Variants in SLC35F5 observed in about 807,000 individuals in gnomAD.
The protein encoded by SLC35F5 is solute carrier family 35 member F5.
SLC35F5 carries 54 observed loss-of-function variants against 68.6 expected under a neutral mutation model. That is an observed-to-expected ratio of 0.79 (90% CI 0.63 to 0.99). The LOEUF (loss-of-function observed/expected upper bound fraction) is 0.99. Among genes scored for constraint, SLC35F5 ranks in the 50% least tolerant of loss-of-function variants. SLC35F5 has a pLI of 0.00. For missense variants in SLC35F5, 567 were observed against 626.9 expected (o/e 0.90, Z 1.02); for synonymous variants, 211 against 205.2 (o/e 1.03, Z -0.24).
rs936796818 is a variant in SLC35F5 at position 113,710,520 on chromosome 2, A to T, written c.*4698T>A. 6.6e-6 allele frequency among the ~76,000 whole-genome samples: 1 copy of T among 152,188 alleles called. No individual in the cohort carries two copies. Among genetic ancestry groups the T allele is most frequent in the African/African-American group, 2.4e-5 (1 of 41,454 alleles). On this transcript the variant is annotated 3_prime_UTR_variant, in exon 16 of 16. Transcript: ENST00000245680. ...CAGGGCGGGCAGATTACTTGAGCTC[A>T]GGAGTTCAAGAGCAGCCTGGCCAAC... is the stretch of plus-strand genomic sequence containing the variant.
In SLC35F5 at chr2:113,744,410, C is replaced by T. The variant is rs572329149; in HGVS notation, c.481-616G>A. ...TCTTACTGTGTATTGAGTACCAACT[C>T]TAGAGCAGTTAAACATATATTTCTC... is the stretch of plus-strand genomic sequence containing the variant. On this transcript the variant is annotated intron_variant, in intron 5 of 15. Coordinates refer to ENST00000245680, the MANE Select transcript of SLC35F5 (RefSeq NM_025181.5). Among the ~76,000 whole-genome samples, 5 of 152,276 alleles carry T rather than the reference C, an allele frequency of 3.3e-5. No homozygotes were observed. In the South Asian group the frequency reaches 1.0e-3, roughly 32 times the overall value.
chr2:113,742,446 G>T (rs1356497243), intron 7 of SLC35F5: 26 of 516,978 alleles, frequency 5.0e-5, no homozygotes, highest in South Asian at 6.8e-5. Context: ...GTGTGTGTTT[G>T]TAAGTTTGTG....
At position 113,709,307 on chromosome 2, in the gene SLC35F5, C is replaced by T. The variant is rs1686897197; in HGVS notation, c.*5911G>A. Among the ~76,000 whole-genome samples, 1 of 152,068 alleles carries T rather than the reference C, an allele frequency of 6.6e-6. No individual in the cohort carries two copies. Among genetic ancestry groups the T allele is most frequent in the South Asian group, 2.1e-4 (1 of 4,832 alleles). On this transcript the variant is annotated 3_prime_UTR_variant, in exon 16 of 16. Transcript: ENST00000245680. ...ACTGTTATTACCACTCTTTACAAAG[C>T]ACTAAGCACACACAGGTGTTTGGCA... is the stretch of plus-strand genomic sequence containing the variant.
intron 12 of SLC35F5, among the ~76,000 whole-genome samples, chr2:113,723,676 CTT>C (rs1687544580): frequency 1.3e-5 from 2 of 152,108 alleles, no homozygotes. Context: ...ATGTGTTACT[CTT>C]TTGATTTGGC....
intron 4 of SLC35F5, among the ~76,000 whole-genome samples, chr2:113,749,540 A>G (rs573755678): frequency 6.6e-4 from 100 of 152,320 alleles, no homozygotes; most frequent in African/African-American, 2.3e-3. Flanking sequence ...TACTTATTAG[A>G]TAAGACAAGA....
At chr2:113,729,578 G>C in intron 10 of SLC35F5, 73 bp from the exon 11 acceptor site, 1 of 774,854 alleles carries the variant, frequency 1.3e-6, no homozygotes, top group Non-Finnish European at 2.2e-6. Flanking sequence ...CCAATAATGT[G>C]TCAGATAATA....
In SLC35F5 at chr2:113,731,568, A is replaced by G; in HGVS notation, c.985+16T>C. 6.2e-7 allele frequency: 1 copy of G among 1,606,124 alleles called. No individual in the cohort carries two copies. The highest frequency in any genetic ancestry group is 8.5e-7 in the Non-Finnish European group (1 of 1,173,074). On this transcript the variant is annotated intron_variant, in intron 10 of 15. Transcript: ENST00000245680. Reference sequence around the variant, plus strand: ...TTATTTACTCTAACAGAGAGAATCCAGAGTCCAGTACTTACCTACTGTGTC... The same window carrying G: ...TTATTTACTCTAACAGAGAGAATCCGGAGTCCAGTACTTACCTACTGTGTC...
At chr2:113,723,961 C>T (rs1312707153) in intron 12 of SLC35F5, among the ~76,000 whole-genome samples, 1 of 152,034 alleles carries the variant, frequency 6.6e-6, no homozygotes, top group Non-Finnish European at 1.5e-5. Flanking sequence ...AAGATAAAAC[C>T]ATAATGTATA....
chr2:113,713,844 T>C lies in SLC35F5; in HGVS notation c.*1374A>G, dbSNP rs183446239. The C allele has an allele frequency of 6.6e-6, 1 of 151,274 alleles. No homozygotes were observed. Among genetic ancestry groups the C allele is most frequent in the Admixed American group, 6.6e-5 (1 of 15,214 alleles). The allele number at this position is 151,274 out of a possible 1,614,324, so 9.4% of individuals were successfully genotyped here. On this transcript the variant is annotated 3_prime_UTR_variant, in exon 16 of 16. Coordinates refer to ENST00000245680, the MANE Select transcript of SLC35F5 (RefSeq NM_025181.5). ...TAATATAATATAGAAGTTCTCAGAA[T>C]GAAACAAAAGGAAGGCTAAACTTCA...
Position 113,743,725 on chromosome 2 carries a change from C to T in SLC35F5, c.550G>A (p.Asp184Asn). 1 of 1,611,374 alleles carries T rather than the reference C, an allele frequency of 6.2e-7. No individual in the cohort carries two copies. The highest frequency in any genetic ancestry group is 8.5e-7 in the Non-Finnish European group (1 of 1,178,612). ...AAGTTTTGCTTACTTTTTTCAGTAT[C>T]AATGTTTGTGCTCTCAGGTTTTTCA... ...PSEKPESTNI[D>N]TEKTPKKSRV... Residue 184 changes from aspartate to asparagine, a missense_variant, in exon 6 of 16, where the codon GAT becomes AAT. Transcript: ENST00000245680.
chr2:113,725,978 T>C (rs1351657963), intron 11 of SLC35F5: 1 of 153,414 alleles, frequency 6.5e-6, no homozygotes, highest in South Asian at 2.0e-4. Flanking sequence ...TTGCGAGCAA[T>C]AATGGAAGAA....
At position 113,713,057 on chromosome 2, in the gene SLC35F5, C is replaced by T. The variant is rs1403845593; in HGVS notation, c.*2161G>A. 2 of 152,200 alleles carry T rather than the reference C, an allele frequency of 1.3e-5. No homozygotes were observed. The highest frequency in any genetic ancestry group is 1.3e-4 in the Admixed American group (2 of 15,278). 9.4% of individuals were successfully genotyped at this position (152,200 alleles called of 1,614,324 possible). On this transcript the variant is annotated 3_prime_UTR_variant, in exon 16 of 16. Transcript: ENST00000245680. ...GAAGGTGCAGAAAGGAAGTCTTCAA[C>T]TGCTCACTCACCATGGCTACAGTAT...
chr2:113,742,805 C>T lies in SLC35F5; in HGVS notation c.637G>A (p.Ala213Thr), dbSNP rs1676334149. ...RQLPSSHALE[A>T]KLSRMSYPVK... is the part of the protein sequence containing the mutation. ...GGATATGACATGCGAGACAACTTTG[C>T]TTCCAATGCATGACTTGACGGAAGC... Residue 213 changes from alanine (A) to threonine (T), a missense_variant, in exon 7 of 16, where the codon GCA becomes ACA. Coordinates refer to ENST00000245680, the MANE Select transcript of SLC35F5 (RefSeq NM_025181.5). The T allele has an allele frequency of 3.1e-6, 5 of 1,614,152 alleles. No homozygotes were observed. The highest frequency in any genetic ancestry group is 3.4e-6 in the Non-Finnish European group (4 of 1,180,018).
At chr2:113,721,246 T>G (rs980860839) in intron 13 of SLC35F5, 1 of 151,800 alleles carries the variant, frequency 6.6e-6, no homozygotes, top group African/African-American at 2.4e-5. Flanking sequence ...GGAATCTCCC[T>G]AACCTCAATC....
At chr2:113,748,421 C>T (rs1481627132) in intron 4 of SLC35F5, among the ~76,000 whole-genome samples, 1 of 152,166 alleles carries the variant, frequency 6.6e-6, no homozygotes, top group Non-Finnish European at 1.5e-5. Context: ...CTCACCTCAG[C>T]TTCCTAAAGT....
rs2104952854 is a variant in SLC35F5 at position 113,711,414 on chromosome 2, A to T, written c.*3804T>A. On this transcript the variant is annotated 3_prime_UTR_variant, in exon 16 of 16. Coordinates refer to ENST00000245680, the MANE Select transcript of SLC35F5 (RefSeq NM_025181.5). ...AATATTAAAATATCCCGTTTATTAA[A>T]GGCTCTTAAGATTTAAAGAAAAATT... Among the ~76,000 whole-genome samples the T allele has an allele frequency of 6.6e-6, 1 of 152,328 alleles. No homozygotes were observed. The highest frequency in any genetic ancestry group is 1.9e-4 in the East Asian group (1 of 5,192).
rs1421805637 is a variant in SLC35F5 at position 113,709,378 on chromosome 2, T to C, written c.*5840A>G. ...TTAAACTTTTAGAATCACAGCATTT[T>C]ACACCTGAGAGGAATCTTAAAAGAT... On this transcript the variant is annotated 3_prime_UTR_variant, in exon 16 of 16. Coordinates refer to ENST00000245680, the MANE Select transcript of SLC35F5 (RefSeq NM_025181.5). Among the ~76,000 whole-genome samples, 6 of 152,266 alleles carry C rather than the reference T, an allele frequency of 3.9e-5. No homozygotes were observed. Among genetic ancestry groups the C allele is most frequent in the Non-Finnish European group, 8.8e-5 (6 of 68,050 alleles).
intron 1 of SLC35F5, chr2:113,756,159 G>C: frequency 1.4e-6 from 2 of 1,452,400 alleles, no homozygotes; most frequent in Non-Finnish European, 1.8e-6. Context: ...GGGAGCCGAG[G>C]CGAGGGCGCA....
At chr2:113,740,990 T>C (rs930159994) in intron 7 of SLC35F5, among the ~76,000 whole-genome samples, 2 of 152,186 alleles carry the variant, frequency 1.3e-5, no homozygotes, top group South Asian at 4.1e-4. Context: ...GTATTTTAAG[T>C]TGCTATTTTT....
Sources: allele counts gnomAD v4.1 joint callset (sites outside exome capture counted in the v4.1 genomes callset), GRCh38; gene constraint gnomAD v4.1.1; transcripts MANE v1.5; gene names NCBI Gene and HGNC (gene_info 2026-07-23, HGNC 2026-07-21).